The following ZC3HAV1 variants were observed in gnomAD, a reference collection of about 807,000 sequenced individuals.
ZC3HAV1 encodes zinc finger CCCH-type containing, antiviral 1, also known as zinc finger CCCH-type antiviral protein 1.
ZC3HAV1 carries 41 observed loss-of-function variants against 86.6 expected under a neutral mutation model. The ratio of observed to expected loss-of-function variants is 0.47; its 90% CI spans 0.37 to 0.61. The LOEUF (loss-of-function observed/expected upper bound fraction) is 0.61, where lower values mean the gene tolerates loss of function less well. ZC3HAV1 is among the 20% of genes least tolerant of loss of function. ZC3HAV1 has a pLI of 0.00. For synonymous variants in ZC3HAV1, 421 were observed against 432.1 expected, an observed-to-expected ratio of 0.97 and a Z score of 0.32; for missense variants, 964 against 1,141.1, an observed-to-expected ratio of 0.84 and a Z score of 2.24.
chr7:139,074,573 T>C (rs965918464), intron 6 of ZC3HAV1, among the ~76,000 whole-genome samples: 2 of 152,030 alleles, frequency 1.3e-5, no homozygotes, highest in Non-Finnish European at 2.9e-5. Flanking sequence ...TATCTTCTAT[T>C]ATGCCAGACA....
intron 9 of ZC3HAV1, among the ~76,000 whole-genome samples, chr7:139,058,263 G>A (rs1277878088): frequency 6.6e-6 from 1 of 150,704 alleles, no homozygotes; most frequent in Non-Finnish European, 1.5e-5. Context: ...AGACAGCCTG[G>A]GCAACCTGGA....
At chr7:139,092,960 G>A (rs1817477176) in intron 1 of ZC3HAV1, among the ~76,000 whole-genome samples, 1 of 152,178 alleles carries the variant, frequency 6.6e-6, no homozygotes, top group African/African-American at 2.4e-5. Flanking sequence ...CGGCTTCTTA[G>A]GGGCTTTATC....
At chr7:139,058,454 C>T (rs1009664880) in intron 9 of ZC3HAV1, among the ~76,000 whole-genome samples, 3 of 87,392 alleles carry the variant, frequency 3.4e-5, no homozygotes, top group African/African-American at 1.7e-4. Context: ...CCCCCCCCCC[C>T]ACAAAAAAAC....
At chr7:139,075,896 G>C (rs1371924633) in intron 6 of ZC3HAV1, among the ~76,000 whole-genome samples, 1 of 152,156 alleles carries the variant, frequency 6.6e-6, no homozygotes, top group Non-Finnish European at 1.5e-5. Context: ...TAAGCCAAAG[G>C]CTCTTTTGTC....
At chr7:139,060,881 G>A in intron 9 of ZC3HAV1, 155 bp downstream of exon 9, 5 of 1,555,698 alleles carry the variant, frequency 3.2e-6, no homozygotes, top group Non-Finnish European at 4.3e-6. Flanking sequence ...TGCTTAACAA[G>A]CATCTTACTC....
intron 8 of ZC3HAV1, among the ~76,000 whole-genome samples, chr7:139,063,027 C>CAAAAAAAAAAAAAAAAAAAA (rs58859916): frequency 2.9e-5 from 2 of 68,102 alleles, no homozygotes; most frequent in Non-Finnish European, 5.6e-5. Context: ...GACTCTGTCT[C>CAAAAAAAAAAAAAAAAAAAA]AAAAAAAAAA....
At chr7:139,069,279 G>A (rs898483679) in intron 7 of ZC3HAV1, among the ~76,000 whole-genome samples, 16 of 152,260 alleles carry the variant, frequency 1.1e-4, no homozygotes, top group South Asian at 4.1e-4. Context: ...TCACACAGCC[G>A]TCAATTATTT....
intron 1 of ZC3HAV1, 35 bp from the exon 2 acceptor site, chr7:139,089,794 C>G (rs748473889): frequency 2.5e-6 from 4 of 1,577,284 alleles, no homozygotes; most frequent in Admixed American, 3.8e-5. Context: ...AGTATTTCTA[C>G]TACACAGATG....
rs879249734 is a variant in ZC3HAV1, at chr7:139,108,920, T to G, written c.308+104A>C. 2.9e-6 allele frequency: 4 copies of G among 1,387,730 alleles called. No individual in the cohort carries two copies. The highest frequency in any genetic ancestry group is 1.5e-5 in the South Asian group (1 of 67,264). 86.0% of individuals were successfully genotyped at this position (1,387,730 alleles called of 1,614,324 possible). ...GTGGCTGGAGGCGGAGGCTGTCAGG[T>G]GCGGGGTCCCGGCGAAGCCGTGCCC... On this transcript the variant is annotated intron_variant, in intron 1 of 12. Transcript: ENST00000242351. This position sits in a 1 kb window ranked among gnomAD's most constrained non-coding sequence, Gnocchi z 4.2.
chr7:139,048,004 C>T (rs1403442109), intron 12 of ZC3HAV1, 151 bp from the exon 13 acceptor site: 1 of 778,168 alleles, frequency 1.3e-6, no homozygotes, highest in Admixed American at 2.9e-5. Context: ...CACTTAAAAA[C>T]ATGTTAATGA....
intron 5 of ZC3HAV1, among the ~76,000 whole-genome samples, chr7:139,078,062 A>C (rs1438459716): frequency 6.6e-6 from 1 of 152,148 alleles, no homozygotes; most frequent in Non-Finnish European, 1.5e-5. Flanking sequence ...AACATGCAAA[A>C]ACTCCGTCTC....
chr7:139,094,980 C>CT (rs367844812), intron 1 of ZC3HAV1, among the ~76,000 whole-genome samples: 3,218 of 136,096 alleles, frequency 0.024, 87 homozygotes, highest in African/African-American at 0.062. Context: ...TAACCCGAGT[C>CT]TTTTTTTTTT....
chr7:139,102,396 C>T (rs1247380979), intron 1 of ZC3HAV1, among the ~76,000 whole-genome samples: 1 of 152,108 alleles, frequency 6.6e-6, no homozygotes, highest in Non-Finnish European at 1.5e-5. Context: ...TCTTGAAGTA[C>T]TGGGATTACA....
intron 1 of ZC3HAV1, 91 bp from the exon 2 acceptor site, chr7:139,089,850 C>G (rs1471744656): frequency 1.4e-6 from 2 of 1,383,328 alleles, no homozygotes; most frequent in South Asian, 1.5e-5. Context: ...TGCAAAGACC[C>G]GTGCCCATAT....
chr7:139,077,264 G>A (rs1816979681), intron 5 of ZC3HAV1, among the ~76,000 whole-genome samples: 1 of 152,172 alleles, frequency 6.6e-6, no homozygotes, highest in South Asian at 2.1e-4. Flanking sequence ...TTTTGAGGCA[G>A]AATCTCACTC....
intron 9 of ZC3HAV1, among the ~76,000 whole-genome samples, chr7:139,058,591 G>A (rs1246968092): frequency 6.6e-6 from 1 of 152,162 alleles, no homozygotes; most frequent in African/African-American, 2.4e-5. Context: ...AGGTAGAAGT[G>A]GGTAAGTACT....
At chr7:139,052,206 G>T (rs542923276) in intron 12 of ZC3HAV1, among the ~76,000 whole-genome samples, 1 of 149,884 alleles carries the variant, frequency 6.7e-6, no homozygotes, top group South Asian at 2.1e-4. Flanking sequence ...GTGTACCTGC[G>T]CCATGTTGGT....
intron 2 of ZC3HAV1, among the ~76,000 whole-genome samples, chr7:139,088,629 A>ACC: frequency 6.6e-6 from 1 of 152,036 alleles, no homozygotes; most frequent in South Asian, 2.1e-4. Flanking sequence ...AACTCAGGCT[A>ACC]CCCCCCTGTC....
Position 139,043,861 on chromosome 7 carries a change from G to T in ZC3HAV1, c.*3733C>A, listed in dbSNP as rs765687808. The T allele has an allele frequency of 5.9e-5, 9 of 152,198 alleles. No homozygotes were observed. Among genetic ancestry groups the T allele is most frequent in the Non-Finnish European group, 1.2e-4 (8 of 68,040 alleles). 9.4% of individuals were successfully genotyped at this position (152,198 alleles called of 1,614,324 possible). On this transcript the variant is annotated 3_prime_UTR_variant, in exon 13 of 13. Transcript: ENST00000242351. ...TTCTGTAGAAGGACTCCTTAGGAAAGTAACAGTTGAGCCAATCTAAGGATG... is the reference window on the plus strand; with the variant it reads ...TTCTGTAGAAGGACTCCTTAGGAAATTAACAGTTGAGCCAATCTAAGGATG...
Sources: gnomAD v4.1 joint callset for allele counts (sites outside exome capture counted in the v4.1 genomes callset) on GRCh38, gnomAD v4.1.1 for gene constraint, Gnocchi (gnomAD v3.1) non-coding constraint, MANE v1.5 for transcripts, NCBI Gene and HGNC (gene_info 2026-07-23, HGNC 2026-07-21) for gene names.